The following ARFGEF3 variants were observed in gnomAD, a reference collection of about 807,000 sequenced individuals.
ARFGEF3 encodes the protein brefeldin A-inhibited guanine nucleotide-exchange protein 3.
Under a neutral mutation model 221.7 loss-of-function variants are expected in ARFGEF3, and 96 were observed. The observed-to-expected ratio is 0.43, with a 90% CI of 0.37 to 0.51. The LOEUF (loss-of-function observed/expected upper bound fraction) is 0.51, where lower values mean the gene tolerates loss of function less well. Among genes scored for constraint, ARFGEF3 ranks in the 20% least tolerant of loss-of-function variants. ARFGEF3 has a pLI of 0.00. For synonymous variants in ARFGEF3, 1,145 were observed against 1,126.8 expected (o/e 1.02, Z -0.32); for missense variants, 2,410 against 2,789.9 (o/e 0.86, Z 3.07).
At position 138,255,692 on chromosome 6, in the gene ARFGEF3, C is replaced by T. The variant is rs1459154957; in HGVS notation, c.1027C>T (p.Leu343Phe). 2.5e-6 allele frequency: 4 copies of T among 1,612,920 alleles called. No individual in the cohort carries two copies. Among genetic ancestry groups the T allele is most frequent in the South Asian group, 1.1e-5 (1 of 90,844 alleles). Residue 343 changes from leucine to phenylalanine, a missense_variant, in exon 10 of 34, where the codon CTC becomes TTC. By Grantham distance (22) the Leu-to-Phe change is conservative. This residue lies in a region of ARFGEF3 where 570 missense variants were observed against 586.9 expected (regional missense o/e 0.97). Coordinates refer to ENST00000251691, the MANE Select transcript of ARFGEF3 (RefSeq NM_020340.5). ...GTCTGTGGACTCCATGAAGCCCGTG[C>T]TCCAGTCCCTCTACCACCGAGTGCT... ...VGSVDSMKPV[L>F]QSLYHRVLLY...
chr6:138,226,855 A>G (rs1778093815), intron 4 of ARFGEF3, among the ~76,000 whole-genome samples: 1 of 152,202 alleles, frequency 6.6e-6, no homozygotes, highest in East Asian at 1.9e-4. Flanking sequence ...TATCTGCTGC[A>G]TCATCCTGGC....
chr6:138,343,049 G>A lies in ARFGEF3; in HGVS notation c.*6563G>A, dbSNP rs552936029. 5.9e-5 allele frequency: 9 copies of A among 152,122 alleles called. No individual in the cohort carries two copies. Among genetic ancestry groups the A allele is most frequent in the Non-Finnish European group, 1.3e-4 (9 of 68,028 alleles). The allele number at this position is 152,122 out of a possible 1,614,324, so 9.4% of individuals were successfully genotyped here. On this transcript the variant is annotated 3_prime_UTR_variant, in exon 34 of 34. Coordinates refer to ENST00000251691, the MANE Select transcript of ARFGEF3 (RefSeq NM_020340.5). ...CAAATAATGGGAAAAATATAAAAGT[G>A]AATCAGTGTGCTTTGGGAATTCAGT...
At chr6:138,271,619 G>A (rs1261542026) in intron 12 of ARFGEF3, among the ~76,000 whole-genome samples, 3 of 152,194 alleles carry the variant, frequency 2.0e-5, no homozygotes, top group African/African-American at 7.2e-5. Context: ...TATGTACATA[G>A]CTAGGAAGCG....
intron 12 of ARFGEF3, among the ~76,000 whole-genome samples, chr6:138,264,827 A>G (rs1258631643): frequency 6.6e-6 from 1 of 152,146 alleles, no homozygotes; most frequent in Admixed American, 6.6e-5. Flanking sequence ...AAGCTGACCA[A>G]ATTGTCCTTT....
At position 138,292,063 on chromosome 6, in the gene ARFGEF3, G is replaced by C; in HGVS notation, c.3368+10G>C. 7.1e-7 allele frequency: 1 copy of C among 1,408,932 alleles called. No homozygotes were observed. 87.3% of individuals were successfully genotyped at this position (1,408,932 alleles called of 1,614,324 possible). A position where few individuals can be genotyped will look rare whatever the true frequency, so the allele number is the denominator to read the frequency against. Reference sequence around the variant, plus strand: ...CCACGCAAGCCGACAGGTGCGCGGCGCCGGCCTCCCACGCCCCGGGAGCCT... The same window carrying C: ...CCACGCAAGCCGACAGGTGCGCGGCCCCGGCCTCCCACGCCCCGGGAGCCT... On this transcript the variant is annotated intron_variant, in intron 19 of 33. Transcript: ENST00000251691.
intron 2 of ARFGEF3, among the ~76,000 whole-genome samples, chr6:138,184,062 G>A (rs1046612585): frequency 4.6e-5 from 7 of 151,984 alleles, no homozygotes; most frequent in Admixed American, 4.6e-4. Context: ...CAAACTCTTT[G>A]GTCTCAAGAC....
intron 5 of ARFGEF3, among the ~76,000 whole-genome samples, chr6:138,232,978 A>G (rs975662188): frequency 3.3e-5 from 5 of 152,214 alleles, no homozygotes; most frequent in Non-Finnish European, 5.9e-5. Flanking sequence ...GAATCTTGCC[A>G]TAATAATATT....
At chr6:138,191,396 A>G (rs1042790711) in intron 2 of ARFGEF3, among the ~76,000 whole-genome samples, 3 of 152,140 alleles carry the variant, frequency 2.0e-5, no homozygotes, top group African/African-American at 7.2e-5. Flanking sequence ...ACTGAAGGGT[A>G]CTGGCACGAA....
chr6:138,265,120 G>A (rs546665490), intron 12 of ARFGEF3, among the ~76,000 whole-genome samples: 18 of 152,152 alleles, frequency 1.2e-4, no homozygotes, highest in Admixed American at 3.9e-4. Flanking sequence ...AGCCAGGATG[G>A]TCTCGATCTC....
At chr6:138,329,824 A>G (rs988137347) in intron 32 of ARFGEF3, among the ~76,000 whole-genome samples, 1 of 152,240 alleles carries the variant, frequency 6.6e-6, no homozygotes, top group Admixed American at 6.5e-5. Context: ...GCTTTCATGC[A>G]CGTCTGTGTG....
chr6:138,227,038 A>T (rs9494970), intron 4 of ARFGEF3, among the ~76,000 whole-genome samples: 12,824 of 149,126 alleles, frequency 0.086, 1,308 homozygotes, highest in African/African-American at 0.25. Flanking sequence ...TTCAGGGTTG[A>T]TTTTGTTTTT....
At chr6:138,184,472 G>A (rs1777143585) in intron 2 of ARFGEF3, among the ~76,000 whole-genome samples, 1 of 152,178 alleles carries the variant, frequency 6.6e-6, no homozygotes, top group Non-Finnish European at 1.5e-5. Context: ...CCCCGCTCCT[G>A]TGCTGGGTTT....
At chr6:138,200,479 A>G (rs1777514645) in intron 2 of ARFGEF3, among the ~76,000 whole-genome samples, 1 of 152,258 alleles carries the variant, frequency 6.6e-6, no homozygotes, top group Non-Finnish European at 1.5e-5. Flanking sequence ...AAATAGGCAC[A>G]TAGACCAATG....
chr6:138,254,739 C>A (rs766492494), intron 9 of ARFGEF3, among the ~76,000 whole-genome samples: 1 of 152,112 alleles, frequency 6.6e-6, no homozygotes, highest in African/African-American at 2.4e-5. Flanking sequence ...AATAATAAAG[C>A]AGATAAATTG....
intron 2 of ARFGEF3, among the ~76,000 whole-genome samples, chr6:138,178,469 G>A (rs930780140): frequency 2.0e-5 from 3 of 152,138 alleles, no homozygotes; most frequent in Middle Eastern, 3.2e-3. Context: ...GTGCTGAGAT[G>A]TCCTGAAGTC....
chr6:138,219,841 A>C (rs1448927685), intron 4 of ARFGEF3, among the ~76,000 whole-genome samples: 1 of 152,136 alleles, frequency 6.6e-6, no homozygotes, highest in Non-Finnish European at 1.5e-5. Flanking sequence ...GAATTTAAAG[A>C]AGTGCTAGTA....
In ARFGEF3 at chr6:138,297,039, G is replaced by C. The variant is rs1432128196; in HGVS notation, c.3648+84G>C. On this transcript the variant is annotated intron_variant, in intron 21 of 33. Transcript: ENST00000251691. ...AGCATGGGGGCCTGCAGTCATGTAT[G>C]GGGGCAAAGCACTGTGGCCATTGGG... 17 of 1,464,996 alleles carry C rather than the reference G, an allele frequency of 1.2e-5. No homozygotes were observed. The East Asian group carries it at 3.2e-4, about 27-fold the overall frequency. The allele number at this position is 1,464,996 out of a possible 1,614,324, so 90.7% of individuals were successfully genotyped here.
intron 8 of ARFGEF3, among the ~76,000 whole-genome samples, chr6:138,250,769 G>A (rs1313228620): frequency 2.6e-5 from 4 of 152,206 alleles, no homozygotes; most frequent in Admixed American, 2.0e-4. Context: ...CAGAGAATGA[G>A]ACCAGCAGAT....
At chr6:138,215,840 T>TGG (rs1320463923) in intron 4 of ARFGEF3, 13 of 114,370 alleles carry the variant, frequency 1.1e-4, no homozygotes, top group African/African-American at 4.2e-4. Context: ...CTAATCGGTC[T>TGG]GGTGTGTGTG....
Sources: gnomAD v4.1 joint callset for allele counts (sites outside exome capture counted in the v4.1 genomes callset) on GRCh38, gnomAD v4.1.1 for gene constraint, gnomAD v4.1.1 regional missense constraint, MANE v1.5 for transcripts, NCBI Gene and HGNC (gene_info 2026-07-23, HGNC 2026-07-21) for gene names.